Variants in PUDP observed in about 807,000 individuals in gnomAD.
PUDP encodes the protein pseudouridine 5'-phosphatase, also known as pseudouridine-5'-phosphatase.
PUDP carries 8 observed loss-of-function variants against 9.4 expected under a neutral mutation model. That is an observed-to-expected ratio of 0.85 (90% CI 0.50 to 1.53). The LOEUF (loss-of-function observed/expected upper bound fraction) is 1.53, where lower values mean the gene tolerates loss of function less well. Among genes scored for constraint, PUDP ranks in the 40% most tolerant of loss-of-function variants. PUDP has a pLI of 0.00. For synonymous variants in PUDP, 99 were observed against 80.7 expected, an observed-to-expected ratio of 1.23 and a Z score of -1.22; for missense variants, 188 against 189.7, an observed-to-expected ratio of 0.99 and a Z score of 0.05.
At chrX:6,865,495 C>A (rs1158646597) in intron 3 of PUDP, among the ~76,000 whole-genome samples, 2 of 112,117 alleles carry the variant, frequency 1.8e-5, no homozygotes, top group African/African-American at 6.5e-5. Context: ...GTAAATGTGT[C>A]AATTTTGGGA....
At chrX:7,075,985 G>A (rs1930885962) in intron 3 of PUDP, among the ~76,000 whole-genome samples, 1 of 110,892 alleles carries the variant, frequency 9.0e-6, no homozygotes, top group South Asian at 3.9e-4. Context: ...AACCTTCGGG[G>A]TCTGGGCTAA....
chrX:6,944,799 C>A (rs1213238490), intron 3 of PUDP, among the ~76,000 whole-genome samples: 1 of 111,458 alleles, frequency 9.0e-6, no homozygotes, highest in Admixed American at 9.5e-5. Flanking sequence ...CCGACTGCAA[C>A]TCTTTGTTCT....
chrX:6,706,663 T>C (rs1426774805), intron 1 of PUDP, among the ~76,000 whole-genome samples: 1 of 111,640 alleles, frequency 9.0e-6, no homozygotes. Context: ...ACCCAAAATA[T>C]GCCACTGTGA....
chrX:6,981,244 G>T (rs187603301), intron 1 of PUDP, among the ~76,000 whole-genome samples: 21 of 112,046 alleles, frequency 1.9e-4, no homozygotes, highest in African/African-American at 6.8e-4. Context: ...AGATTGGTCA[G>T]CAGTTGAGAA....
chrX:6,728,470 A>G (rs922900697), intron 3 of PUDP, among the ~76,000 whole-genome samples: 1 of 111,825 alleles, frequency 8.9e-6, no homozygotes, highest in Admixed American at 9.5e-5. Context: ...CAACATGCTT[A>G]TGCTTATTTA....
At chrX:6,970,177 A>T (rs954200929) in intron 3 of PUDP, among the ~76,000 whole-genome samples, 1 of 112,242 alleles carries the variant, frequency 8.9e-6, no homozygotes, top group South Asian at 3.7e-4. Context: ...AAAATAAATA[A>T]GTCTGAGTTT....
chrX:6,970,151 G>T (rs765803992), intron 3 of PUDP, among the ~76,000 whole-genome samples: 1 of 112,019 alleles, frequency 8.9e-6, no homozygotes, highest in African/African-American at 3.2e-5. Context: ...AAGATCCAAA[G>T]AAATATAGCA....
intron 2 of PUDP, among the ~76,000 whole-genome samples, chrX:7,101,802 A>G (rs1176757087): frequency 3.6e-5 from 4 of 111,865 alleles, no homozygotes; most frequent in Non-Finnish European, 7.5e-5. Context: ...AAAAACACTC[A>G]TATGACTAAA....
At chrX:6,844,163 C>T (rs1364386811) in intron 3 of PUDP, among the ~76,000 whole-genome samples, 2 of 112,467 alleles carry the variant, frequency 1.8e-5, no homozygotes, top group Non-Finnish European at 3.8e-5. Flanking sequence ...TCTGATGAAT[C>T]CACCTTTCCC....
chrX:6,850,430 T>C (rs767771204), intron 3 of PUDP, among the ~76,000 whole-genome samples: 2 of 112,414 alleles, frequency 1.8e-5, no homozygotes, highest in African/African-American at 3.2e-5. Context: ...GTTTTTAAAC[T>C]GAAAACTGAA....
intron 1 of PUDP, among the ~76,000 whole-genome samples, chrX:7,002,189 A>T (rs1486501844): frequency 8.9e-6 from 1 of 112,079 alleles, no homozygotes; most frequent in East Asian, 2.8e-4. Flanking sequence ...ACACAAAATC[A>T]TATGGAAAGA....
At chrX:7,075,658 C>T (rs982966057) in intron 3 of PUDP, among the ~76,000 whole-genome samples, 1 of 111,454 alleles carries the variant, frequency 9.0e-6, no homozygotes, top group Admixed American at 9.5e-5. Context: ...AAAACCTCTA[C>T]ATAAGGGGCC....
intron 3 of PUDP, among the ~76,000 whole-genome samples, chrX:6,794,892 T>C (rs1416512630): frequency 1.5e-5 from 1 of 67,110 alleles, no homozygotes; most frequent in Non-Finnish European, 2.3e-5. Context: ...CTTACTTTTC[T>C]GCAATTTTTT....
chrX:7,109,534 A>G (rs1931981175), intron 1 of PUDP, among the ~76,000 whole-genome samples: 1 of 112,625 alleles, frequency 8.9e-6, no homozygotes, highest in Admixed American at 9.4e-5. Flanking sequence ...AACAGTGTTT[A>G]TTTAAAGCTT....
chrX:6,870,520 C>G (rs1039352992), intron 3 of PUDP, among the ~76,000 whole-genome samples: 7 of 111,955 alleles, frequency 6.3e-5, no homozygotes, highest in African/African-American at 2.3e-4. Context: ...TGCCTTCTGT[C>G]ATGATTGTGA....
chrX:6,941,554 C>G (rs1928400292), intron 3 of PUDP, among the ~76,000 whole-genome samples: 1 of 110,044 alleles, frequency 9.1e-6, no homozygotes, highest in African/African-American at 3.3e-5. Flanking sequence ...GTCTTGAACT[C>G]TTCAGGTCAA....
rs772584815 is a variant in PUDP, at chrX:6,958,154, T to C, written c.*247+18979A>G. Among the ~76,000 whole-genome samples the C allele has an allele frequency of 7.1e-5, 8 of 112,230 alleles. No homozygotes were observed. In the South Asian group the frequency reaches 1.5e-3, roughly 21 times the overall value. On this transcript the variant is annotated intron_variant and NMD_transcript_variant, in intron 3 of 3. Transcript: ENST00000655425. ...ACCCTACTGCTGTGTCCGGTTTCCA[T>C]TGGCTGGAATGGGACCTCATATTCT...
At chrX:6,724,346 G>A (rs1924713880), upstream of PUDP, among the ~76,000 whole-genome samples, 4 of 110,685 alleles carry the variant, frequency 3.6e-5, no homozygotes, top group African/African-American at 1.3e-4. Context: ...TTACTAAAAT[G>A]AGCAAACTTA....
intron 3 of PUDP, among the ~76,000 whole-genome samples, chrX:6,859,515 G>GGGCTT (rs200419674): frequency 0.091 from 10,133 of 111,130 alleles, 593 homozygotes; most frequent in East Asian, 0.45. Context: ...ATTATGGGAA[G>GGGCTT]GGCTTGTACT....
Sources: gnomAD v4.1 joint callset for allele counts (sites outside exome capture counted in the v4.1 genomes callset) on GRCh38, gnomAD v4.1.1 for gene constraint, MANE v1.5 for transcripts, NCBI Gene and HGNC (gene_info 2026-07-23, HGNC 2026-07-21) for gene names.